The following ARID1B variants were observed in gnomAD, a reference collection of about 807,000 sequenced individuals.
The protein encoded by ARID1B is AT-rich interactive domain-containing protein 1B.
A neutral mutation model predicts 212.3 loss-of-function variants in ARID1B; 30 were observed. The observed-to-expected ratio is 0.14, with a 90% CI of 0.11 to 0.19. The LOEUF (loss-of-function observed/expected upper bound fraction) is 0.19. Among genes scored for constraint, ARID1B ranks in the 10% least tolerant of loss-of-function variants. The pLI, the probability that ARID1B is intolerant of heterozygous loss-of-function variation, is 1.00. For synonymous variants in ARID1B, 1,402 were observed against 1,301.7 expected, an observed-to-expected ratio of 1.08 and a Z score of -1.66; for missense variants, 2,891 against 3,204.0, an observed-to-expected ratio of 0.90 and a Z score of 2.36.
rs144279763 is a variant in ARID1B, at chr6:157,206,397, C to T, written c.5625C>T (p.Ser1875=). The T allele has an allele frequency of 3.3e-5, 54 of 1,614,108 alleles. No homozygotes were observed. The highest frequency in any genetic ancestry group is 5.3e-5 in the African/African-American group (4 of 75,018). Residue 1875 remains serine (S), a synonymous_variant, in exon 20 of 20, where the codon AGC becomes AGT. Coordinates refer to ENST00000636930, the MANE Select transcript of ARID1B (RefSeq NM_001374828.1). This position sits in a 1 kb window ranked among gnomAD's most constrained non-coding sequence, Gnocchi z 6.8. ...EEDEEDEEED[S]EKTESDEKSS... ...ACGAGGAGGATGAGGAGGAAGACAGCGAGAAGACAGAAAGCGATGAAAAGA... is the reference window on the plus strand; with the variant it reads ...ACGAGGAGGATGAGGAGGAAGACAGTGAGAAGACAGAAAGCGATGAAAAGA...
intron 1 of ARID1B, among the ~76,000 whole-genome samples, chr6:156,813,671 T>C (rs1037324159): frequency 3.3e-5 from 5 of 152,352 alleles, no homozygotes; most frequent in Admixed American, 6.5e-5. Flanking sequence ...TAAACTGATA[T>C]GCATTTGAAT....
chr6:157,002,870 T>A (rs565887804), intron 4 of ARID1B, among the ~76,000 whole-genome samples: 145 of 152,352 alleles, frequency 9.5e-4, no homozygotes, highest in African/African-American at 3.4e-3. Flanking sequence ...AATCTTTTCT[T>A]AAGTAAGAAG....
chr6:157,142,207 G>T (rs1206305369), intron 7 of ARID1B, among the ~76,000 whole-genome samples: 1 of 152,174 alleles, frequency 6.6e-6, no homozygotes, highest in Non-Finnish European at 1.5e-5. Context: ...GTGGCATGGG[G>T]ATAAGGTTGA....
At chr6:157,175,064 ATAAT>A (rs1431181107) in intron 11 of ARID1B, 59 bp downstream of exon 11, 43 of 1,241,160 alleles carry the variant, frequency 3.5e-5, no homozygotes, top group African/African-American at 6.2e-5. Context: ...GGGTTTTTTG[ATAAT>A]TAATTAATTC....
At chr6:157,096,482 T>C (rs1785642151) in intron 5 of ARID1B, among the ~76,000 whole-genome samples, 1 of 152,234 alleles carries the variant, frequency 6.6e-6, no homozygotes, top group South Asian at 2.1e-4. Flanking sequence ...CTGTGACAGA[T>C]ACCTTTCACA....
At chr6:156,978,598 C>T (rs1201276580) in intron 4 of ARID1B, among the ~76,000 whole-genome samples, 3 of 152,096 alleles carry the variant, frequency 2.0e-5, no homozygotes, top group Non-Finnish European at 4.4e-5. Flanking sequence ...AACCTTTGTT[C>T]TTGTGTGATA....
chr6:156,840,486 T>C (rs1322443164), intron 2 of ARID1B, among the ~76,000 whole-genome samples: 1 of 152,180 alleles, frequency 6.6e-6, no homozygotes, highest in Middle Eastern at 3.2e-3. Flanking sequence ...ATTTCCAAAC[T>C]ACTAATGAAG....
rs1306669671 is a variant in ARID1B at position 156,777,862 on chromosome 6, G to A, written c.182G>A (p.Gly61Asp). 54 of 1,343,338 alleles carry A rather than the reference G, an allele frequency of 4.0e-5. No homozygotes were observed. The South Asian group carries it at 9.4e-4, about 23-fold the overall frequency. The allele number at this position is 1,343,338 out of a possible 1,614,324, so 83.2% of individuals were successfully genotyped here. The change falls in exon 1 of 20, where the codon GGC becomes GAC. Residue 61 changes from glycine (G) to aspartate (D), a missense_variant. Coordinates refer to ENST00000636930, the MANE Select transcript of ARID1B (RefSeq NM_001374828.1). ...AAAPGPMLGG[G>D]GDGGGGLNSV... is the part of the protein sequence containing the mutation. Reference sequence around the variant, plus strand: ...GCACCGGGACCCATGCTGGGGGGCGGCGGCGACGGCGGCGGCGGCCTGAAC... The same window carrying A: ...GCACCGGGACCCATGCTGGGGGGCGACGGCGACGGCGGCGGCGGCCTGAAC...
chr6:157,190,639 G>A lies in ARID1B; in HGVS notation c.4231+429G>A, dbSNP rs1167767354. Among the ~76,000 whole-genome samples, 1 of 152,252 alleles carries A rather than the reference G, an allele frequency of 6.6e-6. No homozygotes were observed. The highest frequency in any genetic ancestry group is 2.4e-5 in the African/African-American group (1 of 41,462). The stretch of plus-strand genomic sequence containing the variant: ...CGGCACTTGGCATGGTGGTGTGCTA[G>A]TGTGCGCTGGGCGCTAGCTCGTGGA... On this transcript the variant is annotated intron_variant, in intron 15 of 19. Transcript: ENST00000636930. This position sits in a 1 kb window ranked among gnomAD's most constrained non-coding sequence, Gnocchi z 4.6.
chr6:157,084,891 C>G lies in ARID1B; in HGVS notation c.2477C>G (p.Pro826Arg), dbSNP rs751891035. ...CAGTCTCGATCTGGCCCAATCTCTC[C>G]TGCAAGTATCCCAGGTATTTACTTT... The part of the protein sequence containing the change: ...SNQSRSGPIS[P>R]ASIPGSQMPP... Residue 826 changes from proline to arginine, a missense_variant, in exon 5 of 20, where the codon CCT (proline) becomes CGT (arginine). By Grantham distance (103) the Pro-to-Arg change is moderately radical. Around this residue, in one of 7 missense-constraint regions of ARID1B, gnomAD observed 1,643 missense variants for 1,544.0 expected, o/e 1.06. Transcript: ENST00000636930. The G allele has an allele frequency of 6.2e-7, 1 of 1,610,208 alleles. No homozygotes were observed. The highest frequency in any genetic ancestry group is 8.5e-7 in the Non-Finnish European group (1 of 1,177,942).
At chr6:157,151,472 C>T (rs1188880323) in intron 8 of ARID1B, 1 of 152,190 alleles carries the variant, frequency 6.6e-6, no homozygotes, top group Non-Finnish European at 1.5e-5. Context: ...ATATTGAAGT[C>T]ACCAGGAAAA....
intron 4 of ARID1B, among the ~76,000 whole-genome samples, chr6:157,017,293 T>C (rs1203054733): frequency 6.6e-6 from 1 of 152,174 alleles, no homozygotes; most frequent in Non-Finnish European, 1.5e-5. Flanking sequence ...CATTATTGAT[T>C]AGGGAGAGTT....
intron 4 of ARID1B, among the ~76,000 whole-genome samples, chr6:156,979,970 T>C (rs1315573132): frequency 6.6e-6 from 1 of 152,112 alleles, no homozygotes; most frequent in African/African-American, 2.4e-5. Flanking sequence ...CTTCCCAAAG[T>C]GTTAAGATTA....
intron 5 of ARID1B, among the ~76,000 whole-genome samples, chr6:157,092,606 A>G (rs1474916569): frequency 1.3e-5 from 2 of 152,224 alleles, no homozygotes; most frequent in Non-Finnish European, 2.9e-5. Flanking sequence ...GCAAACTTCA[A>G]ATTAAGCCTT....
chr6:157,121,093 G>A (rs905919777), intron 6 of ARID1B, among the ~76,000 whole-genome samples: 12 of 152,174 alleles, frequency 7.9e-5, no homozygotes, highest in Non-Finnish European at 1.6e-4. Context: ...ATACACGATT[G>A]GAGGCTAAAC....
intron 2 of ARID1B, among the ~76,000 whole-genome samples, chr6:156,855,107 T>A (rs953791954): frequency 3.9e-5 from 6 of 152,194 alleles, no homozygotes; most frequent in Non-Finnish European, 7.3e-5. Flanking sequence ...GTCACTAGTG[T>A]CTAAGTTAAC....
chr6:157,177,534 A>G (rs911446807), intron 11 of ARID1B, among the ~76,000 whole-genome samples: 2 of 152,212 alleles, frequency 1.3e-5, no homozygotes, highest in South Asian at 2.1e-4. Context: ...GTGGACCAAC[A>G]TTGTTTTGTT....
intron 2 of ARID1B, among the ~76,000 whole-genome samples, chr6:156,831,093 G>C (rs1583121991): frequency 6.6e-6 from 1 of 152,156 alleles, no homozygotes. Context: ...GCTGCTAATT[G>C]TGAGAAGGAA....
intron 2 of ARID1B, among the ~76,000 whole-genome samples, chr6:156,856,700 T>TCTCACACACA (rs1168465535): frequency 8.7e-6 from 1 of 114,648 alleles, no homozygotes; most frequent in African/African-American, 3.5e-5. Context: ...TCTCTCTCTC[T>TCTCACACACA]CACACACACA....
Sources: gnomAD v4.1 joint callset for allele counts (sites outside exome capture counted in the v4.1 genomes callset) on GRCh38, gnomAD v4.1.1 for gene constraint, gnomAD v4.1.1 regional missense constraint, Gnocchi (gnomAD v3.1) non-coding constraint, MANE v1.5 for transcripts, NCBI Gene and HGNC (gene_info 2026-07-23, HGNC 2026-07-21) for gene names.